Variants in AK8 observed in about 807,000 individuals in gnomAD.
The protein encoded by AK8 is ATP-AMP transphosphorylase 8.
In AK8, 44 loss-of-function variants were observed where a neutral mutation model predicts 54.6. The ratio of observed to expected loss-of-function variants is 0.81; its 90% CI spans 0.63 to 1.04. The LOEUF (loss-of-function observed/expected upper bound fraction) is 1.04. Among genes scored for constraint, AK8 ranks in the 50% least tolerant of loss-of-function variants. The pLI is 0.00. For missense variants in AK8, 555 were observed against 613.6 expected, an observed-to-expected ratio of 0.90 and a Z score of 1.01; for synonymous variants, 239 against 245.6, an observed-to-expected ratio of 0.97 and a Z score of 0.25.
Position 132,862,329 on chromosome 9 carries a change from C to CT in AK8, c.333+1335dup, listed in dbSNP as rs78166067. Among the ~76,000 whole-genome samples, 223 of 144,436 alleles carry CT rather than the reference C, an allele frequency of 1.5e-3. 1 individual carries two copies. Among genetic ancestry groups the CT allele is most frequent in the South Asian group, 2.7e-3 (12 of 4,520 alleles). The allele number at this position is 144,436 out of a possible 152,430, so 94.8% of individuals were successfully genotyped here. A position where few individuals can be genotyped will look rare whatever the true frequency, so the allele number is the denominator to read the frequency against. On this transcript the variant is annotated intron_variant, in intron 4 of 12. Transcript: ENST00000298545. ...GTCGAAGTCACACCCCTTTCTCTCT[C>CT]TTTTTTTTTTTTTGTTAACACAGAG...
At chr9:132,730,230 G>A (rs1425441281) in intron 11 of AK8, among the ~76,000 whole-genome samples, 1 of 152,086 alleles carries the variant, frequency 6.6e-6, no homozygotes, top group East Asian at 1.9e-4. Context: ...TGTGTTGAGC[G>A]GGCTGCCAAG....
chr9:132,789,299 A>C (rs1839847471), intron 11 of AK8, among the ~76,000 whole-genome samples: 1 of 151,368 alleles, frequency 6.6e-6, no homozygotes. Flanking sequence ...GTCTCAAAAA[A>C]AAAGATAATC....
intron 4 of AK8, among the ~76,000 whole-genome samples, chr9:132,859,759 GA>G (rs1037840637): frequency 6.6e-6 from 1 of 151,866 alleles, no homozygotes; most frequent in Non-Finnish European, 1.5e-5. Context: ...GCAGATGAAG[GA>G]AAAAAGACTC....
intron 12 of AK8, among the ~76,000 whole-genome samples, chr9:132,727,145 G>A (rs1564368037): frequency 6.6e-6 from 1 of 152,140 alleles, no homozygotes; most frequent in Admixed American, 6.5e-5. Flanking sequence ...GGCCAGTGAG[G>A]AAACAGGTGA....
intron 9 of AK8, among the ~76,000 whole-genome samples, chr9:132,816,364 A>AG (rs1406965346): frequency 6.6e-6 from 1 of 151,934 alleles, no homozygotes; most frequent in East Asian, 1.9e-4. Flanking sequence ...CAAAAAAAAA[A>AG]AAAGAAAAAG....
At chr9:132,812,245 T>TTTTTTTTTTTTTTTTTTTTC in intron 10 of AK8, among the ~76,000 whole-genome samples, 1 of 146,480 alleles carries the variant, frequency 6.8e-6, no homozygotes. Flanking sequence ...TTTTTTTTTT[T>TTTTTTTTTTTTTTTTTTTTC]TTTTTTGAGA....
intron 11 of AK8, among the ~76,000 whole-genome samples, chr9:132,753,217 C>A (rs1341517266): frequency 2.0e-5 from 3 of 152,224 alleles, no homozygotes. Flanking sequence ...ATAAAGTAAC[C>A]TCCCTGTCAC....
At chr9:132,869,163 G>A (rs1339135840) in intron 2 of AK8, among the ~76,000 whole-genome samples, 1 of 152,210 alleles carries the variant, frequency 6.6e-6, no homozygotes, top group Non-Finnish European at 1.5e-5. Context: ...CTGGGCAACA[G>A]AGCAAGACTT....
chr9:132,843,515 A>G (rs1163181378), intron 5 of AK8, among the ~76,000 whole-genome samples: 2 of 152,140 alleles, frequency 1.3e-5, no homozygotes, highest in Non-Finnish European at 2.9e-5. Flanking sequence ...GCCTAATGCA[A>G]TTAGGGTCTG....
At chr9:132,783,451 C>A (rs1022217621) in intron 11 of AK8, among the ~76,000 whole-genome samples, 4 of 151,998 alleles carry the variant, frequency 2.6e-5, no homozygotes, top group African/African-American at 9.7e-5. Context: ...AACTAATATG[C>A]CAACTCACAC....
At chr9:132,764,905 A>G (rs541476390) in intron 11 of AK8, among the ~76,000 whole-genome samples, 1 of 152,330 alleles carries the variant, frequency 6.6e-6, no homozygotes, top group South Asian at 2.1e-4. Flanking sequence ...AGATACAGCA[A>G]AAAAAGAAAA....
At chr9:132,783,643 A>G (rs1839573576) in intron 11 of AK8, among the ~76,000 whole-genome samples, 1 of 152,158 alleles carries the variant, frequency 6.6e-6, no homozygotes, top group South Asian at 2.1e-4. Flanking sequence ...AGGAAACATA[A>G]GAACATTTTA....
chr9:132,773,246 C>G (rs967919016), intron 11 of AK8, among the ~76,000 whole-genome samples: 1 of 152,212 alleles, frequency 6.6e-6, no homozygotes, highest in African/African-American at 2.4e-5. Context: ...TTCCCTACAT[C>G]TGTCCATGGC....
intron 5 of AK8, among the ~76,000 whole-genome samples, chr9:132,847,367 G>A (rs933778344): frequency 1.3e-5 from 2 of 152,230 alleles, no homozygotes; most frequent in African/African-American, 4.8e-5. Context: ...GGTGGCTCAT[G>A]AGTATGCCAC....
chr9:132,849,910 A>T (rs1263225285), intron 5 of AK8, among the ~76,000 whole-genome samples: 1 of 147,562 alleles, frequency 6.8e-6, no homozygotes, highest in African/African-American at 2.5e-5. Flanking sequence ...CATGCCCAGC[A>T]AATTTTTTGT....
Position 132,876,818 on chromosome 9 carries a change from G to C in AK8, c.84+1354C>G, listed in dbSNP as rs560558573. On this transcript the variant is annotated intron_variant, in intron 1 of 12. Transcript: ENST00000298545. ...TACTGGACTGAAAGCTTTCTTGTTG[G>C]GAGGCCGAGGCAGAAGGACTGTTTG... is the stretch of plus-strand genomic sequence containing the variant. Among the ~76,000 whole-genome samples, 4 of 152,294 alleles carry C rather than the reference G, an allele frequency of 2.6e-5. No individual in the cohort carries two copies. The East Asian group carries it at 7.7e-4, about 29-fold the overall frequency.
intron 11 of AK8, among the ~76,000 whole-genome samples, chr9:132,741,312 C>T (rs1837380035): frequency 6.6e-6 from 1 of 152,248 alleles, no homozygotes; most frequent in African/African-American, 2.4e-5. Context: ...GACAAAGTTC[C>T]CGCATGCTCC....
chr9:132,776,876 C>T (rs926735697), intron 11 of AK8, among the ~76,000 whole-genome samples: 4 of 152,194 alleles, frequency 2.6e-5, no homozygotes, highest in South Asian at 2.1e-4. Flanking sequence ...CTTCCTTATC[C>T]GGCTTCCACA....
intron 11 of AK8, among the ~76,000 whole-genome samples, chr9:132,730,245 C>T (rs752935065): frequency 1.8e-4 from 27 of 152,138 alleles, no homozygotes; most frequent in Admixed American, 3.9e-4. Context: ...GCCAAGAGGC[C>T]GCGCTTTGGT....
Sources: gnomAD v4.1 joint callset for allele counts (sites outside exome capture counted in the v4.1 genomes callset) on GRCh38, gnomAD v4.1.1 for gene constraint, MANE v1.5 for transcripts, NCBI Gene and HGNC (gene_info 2026-07-23, HGNC 2026-07-21) for gene names.